Variants in KCNQ3 observed in about 807,000 individuals in gnomAD.
KCNQ3 encodes the protein potassium voltage-gated channel subfamily Q member 3.
Under a neutral mutation model 92.5 loss-of-function variants are expected in KCNQ3, and 30 were observed. That is an observed-to-expected ratio of 0.32 (90% confidence interval 0.24 to 0.44). The LOEUF (loss-of-function observed/expected upper bound fraction) is 0.44, where lower values mean the gene tolerates loss of function less well. Ranked by LOEUF, KCNQ3 falls within the 20% of genes least tolerant of loss-of-function variation. KCNQ3 has a pLI of 1.00. For missense variants in KCNQ3, 913 were observed against 1,140.3 expected (o/e 0.80, Z 2.87); for synonymous variants, 450 against 468.8 (o/e 0.96, Z 0.52).
chr8:132,361,307 C>T (rs147301426), intron 1 of KCNQ3, among the ~76,000 whole-genome samples: 100 of 152,304 alleles, frequency 6.6e-4, no homozygotes, highest in African/African-American at 2.3e-3. Context: ...CGGCACGAAC[C>T]TCCTCAGCTC....
chr8:132,218,092 C>CT (rs1300955705), intron 1 of KCNQ3, among the ~76,000 whole-genome samples: 1 of 152,136 alleles, frequency 6.6e-6, no homozygotes, highest in Non-Finnish European at 1.5e-5. Context: ...ATGAAGGAGG[C>CT]TTTGTGAATT....
intron 1 of KCNQ3, among the ~76,000 whole-genome samples, chr8:132,235,629 T>C (rs1201490267): frequency 6.6e-6 from 1 of 152,196 alleles, no homozygotes; most frequent in Non-Finnish European, 1.5e-5. Context: ...TAAAGCCAGT[T>C]ACCTGCCTCC....
intron 7 of KCNQ3, 68 bp from the exon 8 acceptor site, chr8:132,170,496 C>T: frequency 1.0e-6 from 1 of 959,814 alleles, no homozygotes; most frequent in Non-Finnish European, 1.7e-6. Context: ...GACTCCCACA[C>T]CAACAAAACA....
At chr8:132,307,726 C>A (rs1180792766) in intron 1 of KCNQ3, among the ~76,000 whole-genome samples, 1 of 152,132 alleles carries the variant, frequency 6.6e-6, no homozygotes, top group East Asian at 1.9e-4. Flanking sequence ...ACAAGCTTAG[C>A]CTTGAGGCAA....
intron 1 of KCNQ3, among the ~76,000 whole-genome samples, chr8:132,331,501 T>G (rs1418085109): frequency 3.9e-5 from 6 of 152,158 alleles, no homozygotes; most frequent in Admixed American, 6.5e-5. Flanking sequence ...CCTCTTACTC[T>G]AGCAAACAGA....
At chr8:132,372,214 A>C (rs1257922349) in intron 1 of KCNQ3, among the ~76,000 whole-genome samples, 2 of 152,024 alleles carry the variant, frequency 1.3e-5, no homozygotes, top group Non-Finnish European at 2.9e-5. Flanking sequence ...CTGTCCCAAA[A>C]TTCTGAGTTC....
At chr8:132,347,331 T>A (rs1818719196) in intron 1 of KCNQ3, among the ~76,000 whole-genome samples, 1 of 152,214 alleles carries the variant, frequency 6.6e-6, no homozygotes, top group Non-Finnish European at 1.5e-5. Context: ...GATGATGCGA[T>A]GGCAATGATG....
intron 1 of KCNQ3, chr8:132,277,979 A>C: frequency 1.0e-6 from 1 of 985,220 alleles, no homozygotes; most frequent in Non-Finnish European, 1.2e-6. Flanking sequence ...CTTCACCCCC[A>C]CAGGACAGAA....
chr8:132,300,689 C>G (rs534422928), intron 1 of KCNQ3, among the ~76,000 whole-genome samples: 1 of 152,144 alleles, frequency 6.6e-6, no homozygotes, highest in African/African-American at 2.4e-5. Context: ...ACGCAACATG[C>G]ACTAAAACAG....
Position 132,317,863 on chromosome 8 carries a change from C to G in KCNQ3, c.387-131682G>C, listed in dbSNP as rs116604199. Among the ~76,000 whole-genome samples the G allele has an allele frequency of 8.6e-3, 1,313 of 152,256 alleles. 24 individuals are homozygous for G. The highest frequency in any genetic ancestry group is 0.029 in the African/African-American group (1,206 of 41,538). On this transcript the variant is annotated intron_variant, in intron 1 of 14. Transcript: ENST00000388996. ...GTGATATCTGCAATGGAAAGGGGAG[C>G]TGGGGGAACTTTATATTAAATGGAG... is the stretch of plus-strand genomic sequence containing the variant.
intron 1 of KCNQ3, among the ~76,000 whole-genome samples, chr8:132,434,416 T>C (rs1052166712): frequency 2.0e-5 from 3 of 152,184 alleles, no homozygotes; most frequent in Non-Finnish European, 2.9e-5. Flanking sequence ...GTACAATCTA[T>C]GAATGAAGAG....
At chr8:132,361,446 A>G (rs1214525024) in intron 1 of KCNQ3, among the ~76,000 whole-genome samples, 2 of 152,208 alleles carry the variant, frequency 1.3e-5, no homozygotes, top group African/African-American at 4.8e-5. Flanking sequence ...AATATTTTTT[A>G]TCATCTGAAT....
At chr8:132,222,182 T>C (rs1227883755) in intron 1 of KCNQ3, among the ~76,000 whole-genome samples, 1 of 152,250 alleles carries the variant, frequency 6.6e-6, no homozygotes, top group East Asian at 1.9e-4. Flanking sequence ...AAAGGGCTAA[T>C]ATCCAAAATC....
At chr8:132,235,278 G>GGA (rs1554635035) in intron 1 of KCNQ3, among the ~76,000 whole-genome samples, 2 of 151,976 alleles carry the variant, frequency 1.3e-5, no homozygotes, top group South Asian at 4.2e-4. Flanking sequence ...GGTGGGGGGG[G>GGA]AATCACCTGA....
chr8:132,202,208 G>A (rs1203175648), intron 1 of KCNQ3, among the ~76,000 whole-genome samples: 1 of 152,028 alleles, frequency 6.6e-6, no homozygotes, highest in Non-Finnish European at 1.5e-5. Context: ...GGAAAAGAGA[G>A]GCACCCAGGC....
chr8:132,476,103 C>T lies in KCNQ3; in HGVS notation c.386+4044G>A, dbSNP rs534778370. On this transcript the variant is annotated intron_variant, in intron 1 of 14. Coordinates refer to ENST00000388996, the MANE Select transcript of KCNQ3 (RefSeq NM_004519.4). ...TTGGTGGCTTCTGTGTGGTGTTGGG[C>T]CTGTGGGTGCACAGAAGACAAGAGT... is the stretch of plus-strand genomic sequence containing the variant. Among the ~76,000 whole-genome samples, 5 of 152,320 alleles carry T rather than the reference C, an allele frequency of 3.3e-5. No individual in the cohort carries two copies. In the East Asian group the frequency reaches 7.7e-4, roughly 24 times the overall value.
At chr8:132,345,050 C>A (rs191855929) in intron 1 of KCNQ3, among the ~76,000 whole-genome samples, 1 of 152,244 alleles carries the variant, frequency 6.6e-6, no homozygotes, top group African/African-American at 2.4e-5. Flanking sequence ...ATTTGCTGAT[C>A]CAGGGGCATA....
chr8:132,224,406 G>T (rs2130349468), intron 1 of KCNQ3, among the ~76,000 whole-genome samples: 1 of 152,120 alleles, frequency 6.6e-6, no homozygotes, highest in African/African-American at 2.4e-5. Flanking sequence ...GGTGCCTCCT[G>T]GTGGTGGAAG....
chr8:132,447,141 C>T (rs1351493662), intron 1 of KCNQ3: 1 of 1,420,444 alleles, frequency 7.0e-7, no homozygotes, highest in African/African-American at 1.4e-5. Context: ...CCCTGGGACT[C>T]TGAGTCCATC....
Sources: allele counts gnomAD v4.1 joint callset (sites outside exome capture counted in the v4.1 genomes callset), GRCh38; gene constraint gnomAD v4.1.1; transcripts MANE v1.5; gene names NCBI Gene and HGNC (gene_info 2026-07-23, HGNC 2026-07-21).